Variants in EIF4E1B observed in about 807,000 individuals in gnomAD.
EIF4E1B encodes the protein eukaryotic translation initiation factor 4E family member 1B, also known as eukaryotic translation initiation factor 4E type 1B.
A neutral mutation model predicts 31.3 loss-of-function variants in EIF4E1B; 22 were observed. The ratio of observed to expected loss-of-function variants is 0.70; its 90% confidence interval spans 0.50 to 1.00. EIF4E1B has a LOEUF of 1.00. EIF4E1B is among the 50% of genes least tolerant of loss of function. The pLI, the probability that EIF4E1B is intolerant of heterozygous loss-of-function variation, is 0.00. For missense variants in EIF4E1B, 290 were observed against 311.6 expected (o/e 0.93, Z 0.52); for synonymous variants, 126 against 120.2 (o/e 1.05, Z -0.31).
At chr5:176,643,603 T>C (rs774101554) in intron 4 of EIF4E1B, 36 bp from the exon 5 acceptor site, 8 of 1,570,764 alleles carry the variant, frequency 5.1e-6, no homozygotes, top group Non-Finnish European at 6.9e-6. Flanking sequence ...CTTGGCTCTC[T>C]GCTTCCTCCT....
In EIF4E1B at chr5:176,645,813, A is replaced by G; in HGVS notation, c.615-53A>G. The G allele has an allele frequency of 2.1e-6, 3 of 1,458,432 alleles. No homozygotes were observed. The highest frequency in any genetic ancestry group is 2.8e-6 in the Non-Finnish European group (3 of 1,077,212). The allele number at this position is 1,458,432 out of a possible 1,614,324, so 90.3% of individuals were successfully genotyped here. On this transcript the variant is annotated intron_variant, in intron 8 of 8. Coordinates refer to ENST00000318682, the MANE Select transcript of EIF4E1B (RefSeq NM_001099408.2). The surrounding 1 kb of genome is among the most constrained non-coding windows in gnomAD (Gnocchi z 5.4). ...TCTGGTGGCCTAAGTTATCTCTAGG[A>G]CCCTCTGATGACTACCTGTGTCTCT...
rs368333419 is a variant in EIF4E1B at position 176,645,139 on chromosome 5, C to G, written c.370C>G (p.Gln124Glu). The change falls in exon 7 of 9, where the codon CAG becomes GAG. Residue 124 changes from glutamine (Q) to glutamate (E), a missense_variant. By Grantham distance (29) the Gln-to-Glu change is conservative. Coordinates refer to ENST00000318682, the MANE Select transcript of EIF4E1B (RefSeq NM_001099408.2). This position sits in a 1 kb window ranked among gnomAD's most constrained non-coding sequence, Gnocchi z 5.4. ...GCCATCTGCCTTGCAGGATGGCATC[C>G]AGCCCATGTGGGAGGACAGCAGGAA... The part of the protein sequence containing the change: ...CDYALFKDGI[Q>E]PMWEDSRNKR... 3.2e-6 allele frequency: 5 copies of G among 1,563,256 alleles called. No individual in the cohort carries two copies. In the African/African-American group the frequency reaches 6.8e-5, roughly 21 times the overall value.
chr5:176,643,298 C>G (rs768843636), intron 4 of EIF4E1B, 32 bp downstream of exon 4: 1 of 1,601,436 alleles, frequency 6.2e-7, no homozygotes, highest in African/African-American at 1.3e-5. Flanking sequence ...GAACACAGCC[C>G]CTTGCTTTCA....
In EIF4E1B at chr5:176,643,139, G is replaced by A. The variant is rs1456677911; in HGVS notation, c.73G>A (p.Ala25Thr). ...EWEEEEKEEE[A>T]AERTPTGEKS... ...GGAGGAGGAGGAGAAGGAGGAGGAG[G>A]CAGCAGAGAGGACGCCCACAGGAGA... The change falls in exon 4 of 9, where the codon GCA (alanine) becomes ACA (threonine). Residue 25 changes from alanine (A) to threonine (T), a missense_variant. Physicochemically the swap from Ala to Thr is moderately conservative, Grantham distance 58 (BLOSUM62 0). Transcript: ENST00000318682. The A allele has an allele frequency of 6.2e-7, 1 of 1,613,930 alleles. No homozygotes were observed.
At chr5:176,643,871 T>C in intron 5 of EIF4E1B, 137 bp downstream of exon 5, 1 of 864,994 alleles carries the variant, frequency 1.2e-6, no homozygotes, top group South Asian at 1.8e-5. Context: ...GCCCAGGGGG[T>C]ATAGGGCACA....
intron 1 of EIF4E1B, among the ~76,000 whole-genome samples, chr5:176,636,312 T>C (rs1000865120): frequency 6.6e-6 from 1 of 152,226 alleles, no homozygotes; most frequent in Non-Finnish European, 1.5e-5. Context: ...AGTGGCCACC[T>C]GCGAGCCTCA....
At chr5:176,631,820 G>A (rs555315226) in intron 1 of EIF4E1B, among the ~76,000 whole-genome samples, 9 of 152,268 alleles carry the variant, frequency 5.9e-5, no homozygotes, top group South Asian at 2.1e-4. Flanking sequence ...AATTGATCCC[G>A]TGCGACTCTA....
At chr5:176,644,656 A>AG in intron 6 of EIF4E1B, 1 of 549,322 alleles carries the variant, frequency 1.8e-6, no homozygotes, top group Non-Finnish European at 3.2e-6. Flanking sequence ...AGGCGGGAAG[A>AG]GGGAGAGGGA....
chr5:176,641,178 A>T (rs528600755), intron 1 of EIF4E1B, among the ~76,000 whole-genome samples: 25 of 151,966 alleles, frequency 1.6e-4, no homozygotes, highest in East Asian at 1.5e-3. Context: ...AACAAAACAA[A>T]ACTAGCCGGG....
rs773730956 is a variant in EIF4E1B, at chr5:176,645,392, G to C, written c.490G>C (p.Gly164Arg). Residue 164 changes from glycine (G) to arginine (R), a missense_variant, in exon 8 of 9, where the codon GGG (glycine) becomes CGG (arginine). Physicochemically the swap from Gly to Arg is moderately radical, Grantham distance 125. Coordinates refer to ENST00000318682, the MANE Select transcript of EIF4E1B (RefSeq NM_001099408.2). The surrounding 1 kb of genome is among the most constrained non-coding windows in gnomAD (Gnocchi z 5.4). ...TCGGGTCCAGCTGCTGTGTCTGATC[G>C]GGGAGAGCTTTGAGGAACACAGCAG... ...LWLETLLCLI[G>R]ESFEEHSREV... The C allele has an allele frequency of 1.6e-5, 25 of 1,529,622 alleles. No individual in the cohort carries two copies. Among genetic ancestry groups the C allele is most frequent in the Non-Finnish European group, 2.1e-5 (24 of 1,136,296 alleles). The allele number at this position is 1,529,622 out of a possible 1,614,324, so 94.8% of individuals were successfully genotyped here.
At position 176,643,154 on chromosome 5, in the gene EIF4E1B, C is replaced by A. The variant is rs1173485960; in HGVS notation, c.88C>A (p.Pro30Thr). 1 of 1,613,708 alleles carries A rather than the reference C, an allele frequency of 6.2e-7. No homozygotes were observed. Among genetic ancestry groups the A allele is most frequent in the Non-Finnish European group, 8.5e-7 (1 of 1,179,866 alleles). ...GGAGGAGGAGGCAGCAGAGAGGACGCCCACAGGAGAAAAGTCTCCAAACTC... is the reference window on the plus strand; with the variant it reads ...GGAGGAGGAGGCAGCAGAGAGGACGACCACAGGAGAAAAGTCTCCAAACTC... ...EKEEEAAERT[P>T]TGEKSPNSPR... The change falls in exon 4 of 9, where the codon CCC becomes ACC. Residue 30 changes from proline (P) to threonine (T), a missense_variant. Pro to Thr is a conservative substitution (Grantham distance 38). Coordinates refer to ENST00000318682, the MANE Select transcript of EIF4E1B (RefSeq NM_001099408.2).
rs1346197543 is a variant in EIF4E1B at position 176,646,195 on chromosome 5, C to T, written c.*215C>T. The T allele has an allele frequency of 5.9e-6, 3 of 512,154 alleles. No homozygotes were observed. Among genetic ancestry groups the T allele is most frequent in the South Asian group, 2.8e-5 (1 of 35,138 alleles). The allele number at this position is 512,154 out of a possible 1,614,324, so 31.7% of individuals were successfully genotyped here. On this transcript the variant is annotated 3_prime_UTR_variant, in exon 9 of 9. Coordinates refer to ENST00000318682, the MANE Select transcript of EIF4E1B (RefSeq NM_001099408.2). The stretch of plus-strand genomic sequence containing the variant: ...TCTGAGGACCTAGCTTGTCCTGGGG[C>T]CACAGGACAGCAGCAGGGTGGAAAA...
intron 6 of EIF4E1B, among the ~76,000 whole-genome samples, chr5:176,644,790 C>T (rs1760660746): frequency 1.3e-5 from 2 of 152,250 alleles, no homozygotes; most frequent in African/African-American, 2.4e-5. Flanking sequence ...GTGACTTCTG[C>T]CCTGCCTGGG....
intron 1 of EIF4E1B, among the ~76,000 whole-genome samples, chr5:176,634,520 C>G (rs1324619270): frequency 6.6e-6 from 1 of 152,030 alleles, no homozygotes; most frequent in Non-Finnish European, 1.5e-5. Flanking sequence ...CTTAAGAGCA[C>G]AGATAATAGT....
chr5:176,644,477 C>A (rs1422305013), intron 6 of EIF4E1B, 38 bp downstream of exon 6: 2 of 1,548,452 alleles, frequency 1.3e-6, no homozygotes, highest in South Asian at 2.4e-5. Flanking sequence ...CGCAAAGGGA[C>A]AAGGGGTTGA....
Position 176,645,544 on chromosome 5 carries a change from G to A in EIF4E1B, c.614+28G>A, listed in dbSNP as rs755247705. On this transcript the variant is annotated intron_variant, in intron 8 of 8. Coordinates refer to ENST00000318682, the MANE Select transcript of EIF4E1B (RefSeq NM_001099408.2). The surrounding 1 kb of genome is among the most constrained non-coding windows in gnomAD (Gnocchi z 5.4). ...GAGGAGGGTCTCTGGCACAGGGTGG[G>A]GACTTGGGTCTCTGCTAGAGGGAAG... The A allele has an allele frequency of 3.3e-6, 5 of 1,503,100 alleles. No individual in the cohort carries two copies. Among genetic ancestry groups the A allele is most frequent in the Admixed American group, 2.4e-5 (1 of 41,898 alleles). The allele number at this position is 1,503,100 out of a possible 1,614,324, so 93.1% of individuals were successfully genotyped here.
At chr5:176,635,096 G>A (rs923346861) in intron 1 of EIF4E1B, among the ~76,000 whole-genome samples, 4 of 152,058 alleles carry the variant, frequency 2.6e-5, no homozygotes, top group Non-Finnish European at 4.4e-5. Flanking sequence ...GGGGGTGCAC[G>A]GAGAGTGAAA....
At chr5:176,643,406 G>A in intron 4 of EIF4E1B, 140 bp downstream of exon 4, 4 of 1,127,962 alleles carry the variant, frequency 3.5e-6, no homozygotes, top group Non-Finnish European at 5.0e-6. Flanking sequence ...TAAGCCTTGG[G>A]CCCTGTTGGC....
At position 176,645,699 on chromosome 5, in the gene EIF4E1B, C is replaced by A; in HGVS notation, c.615-167C>A. The A allele has an allele frequency of 1.8e-6, 2 of 1,124,542 alleles. No individual in the cohort carries two copies. The highest frequency in any genetic ancestry group is 2.5e-6 in the Non-Finnish European group (2 of 809,756). The allele number at this position is 1,124,542 out of a possible 1,614,324, so 69.7% of individuals were successfully genotyped here. On this transcript the variant is annotated intron_variant, in intron 8 of 8. Transcript: ENST00000318682. This position sits in a 1 kb window ranked among gnomAD's most constrained non-coding sequence, Gnocchi z 5.4. ...CTAACTTTCTCTTACGGCAGTGCAG[C>A]TCTCCTTTTGCATTAAGGGGGTCAT...
Sources: gnomAD v4.1 joint callset for allele counts (sites outside exome capture counted in the v4.1 genomes callset) on GRCh38, gnomAD v4.1.1 for gene constraint, Gnocchi (gnomAD v3.1) non-coding constraint, MANE v1.5 for transcripts, NCBI Gene and HGNC (gene_info 2026-07-23, HGNC 2026-07-21) for gene names.